DAB1: variants seen among roughly 807,000 people sequenced by gnomAD.
DAB1 encodes the protein DAB adaptor protein 1.
A neutral mutation model predicts 64.6 loss-of-function variants in DAB1; 15 were observed. That is an observed-to-expected ratio of 0.23 (90% CI 0.16 to 0.36). The LOEUF (loss-of-function observed/expected upper bound fraction) is 0.36. DAB1 is among the 10% of genes least tolerant of loss of function. The pLI, the probability that DAB1 is intolerant of heterozygous loss-of-function variation, is 1.00. For missense variants in DAB1, 596 were observed against 706.7 expected (o/e 0.84, Z 1.78); for synonymous variants, 235 against 251.9 (o/e 0.93, Z 0.64).
intron 3 of DAB1, among the ~76,000 whole-genome samples, chr1:58,366,905 A>G (rs1644222949): frequency 6.6e-6 from 1 of 152,238 alleles, no homozygotes; most frequent in Admixed American, 6.5e-5. Flanking sequence ...CATTGTTTTA[A>G]TAGTACACAT....
chr1:58,433,784 G>A (rs1644911803), intron 3 of DAB1, among the ~76,000 whole-genome samples: 2 of 152,074 alleles, frequency 1.3e-5, no homozygotes, highest in South Asian at 4.2e-4. Flanking sequence ...TGAGGGCAGA[G>A]CACTCATGAC....
intron 1 of DAB1, among the ~76,000 whole-genome samples, chr1:57,367,366 C>T (rs1484599294): frequency 2.0e-5 from 3 of 152,068 alleles, no homozygotes; most frequent in Non-Finnish European, 2.9e-5. Context: ...GAGCTAGGTG[C>T]CTTTTTTGTC....
At chr1:58,314,431 T>A (rs183525455) in intron 4 of DAB1, among the ~76,000 whole-genome samples, 123 of 152,258 alleles carry the variant, frequency 8.1e-4, no homozygotes, top group African/African-American at 2.9e-3. Flanking sequence ...CTCTTTTGGA[T>A]TCTCTGGTTT....
chr1:58,072,417 G>A (rs187338693), intron 5 of DAB1, among the ~76,000 whole-genome samples: 3 of 152,152 alleles, frequency 2.0e-5, no homozygotes, highest in Admixed American at 2.0e-4. Flanking sequence ...TTTCATCCTG[G>A]ACTCAAAGTG....
intron 1 of DAB1, chr1:57,875,088 A>C (rs371539526): frequency 6.6e-6 from 1 of 152,304 alleles, no homozygotes; most frequent in East Asian, 1.9e-4. Context: ...TCTCCAAACT[A>C]AGCACTGAAG....
chr1:57,879,844 C>A (rs1644115016), intron 1 of DAB1, among the ~76,000 whole-genome samples: 1 of 152,172 alleles, frequency 6.6e-6, no homozygotes, highest in South Asian at 2.1e-4. Flanking sequence ...TATAAGGCAG[C>A]TGTACACTGC....
chr1:57,590,809 A>G (rs1570654239), intron 7 of DAB1, among the ~76,000 whole-genome samples: 1 of 151,158 alleles, frequency 6.6e-6, no homozygotes, highest in East Asian at 2.0e-4. Context: ...TTACCCTATG[A>G]CCAACAATTT....
intron 14 of DAB1, among the ~76,000 whole-genome samples, chr1:57,003,472 C>T (rs1645947026): frequency 6.6e-6 from 1 of 152,054 alleles, no homozygotes; most frequent in Non-Finnish European, 1.5e-5. Flanking sequence ...AGCCAGCACA[C>T]AGCAGAGCTG....
At chr1:58,189,855 G>C (rs6701275) in intron 4 of DAB1, among the ~76,000 whole-genome samples, 1 of 152,036 alleles carries the variant, frequency 6.6e-6, no homozygotes, top group Non-Finnish European at 1.5e-5. Flanking sequence ...TGAGGCACAG[G>C]GGTCCCATGG....
intron 4 of DAB1, among the ~76,000 whole-genome samples, chr1:58,264,798 G>C (rs1451050026): frequency 1.3e-5 from 2 of 152,132 alleles, no homozygotes; most frequent in Non-Finnish European, 2.9e-5. Context: ...TATTTGGCTT[G>C]GCAGCTATTT....
At chr1:57,421,023 C>T (rs1684845741) in intron 1 of DAB1, among the ~76,000 whole-genome samples, 2 of 152,198 alleles carry the variant, frequency 1.3e-5, no homozygotes, top group African/African-American at 4.8e-5. Flanking sequence ...AAATGAAATG[C>T]TGCCTCCATT....
At chr1:58,134,381 C>G (rs1012922930) in intron 5 of DAB1, among the ~76,000 whole-genome samples, 1 of 152,134 alleles carries the variant, frequency 6.6e-6, no homozygotes, top group Non-Finnish European at 1.5e-5. Flanking sequence ...AGGAAAGAAC[C>G]TTTGTCATCT....
At chr1:57,564,639 C>T (rs1645095195) in intron 7 of DAB1, among the ~76,000 whole-genome samples, 2 of 152,180 alleles carry the variant, frequency 1.3e-5, no homozygotes, top group Admixed American at 1.3e-4. Context: ...GAAGCATGCA[C>T]AAGCTTCAGA....
intron 2 of DAB1, among the ~76,000 whole-genome samples, chr1:57,233,082 G>A (rs1490477387): frequency 2.6e-5 from 4 of 151,878 alleles, no homozygotes; most frequent in African/African-American, 4.8e-5. Flanking sequence ...TAGGAAAACC[G>A]GAAAGACTCT....
chr1:57,767,262 T>C (rs985294080), intron 6 of DAB1, among the ~76,000 whole-genome samples: 6 of 152,130 alleles, frequency 3.9e-5, no homozygotes, highest in Admixed American at 2.6e-4. Flanking sequence ...AAGAGTCAAC[T>C]CATTAGCATA....
At chr1:57,972,160 A>G (rs1423107807) in intron 5 of DAB1, among the ~76,000 whole-genome samples, 3 of 152,350 alleles carry the variant, frequency 2.0e-5, no homozygotes, top group Admixed American at 6.5e-5. Flanking sequence ...GTCATTCTCA[A>G]TCAATAGGCA....
At chr1:57,345,643 T>A (rs1678017455) in intron 1 of DAB1, among the ~76,000 whole-genome samples, 1 of 152,184 alleles carries the variant, frequency 6.6e-6, no homozygotes, top group Non-Finnish European at 1.5e-5. Context: ...AAAAAAGATT[T>A]AATAAAAGCA....
chr1:57,143,767 T>C (rs1658839940), intron 3 of DAB1, among the ~76,000 whole-genome samples: 1 of 152,014 alleles, frequency 6.6e-6, no homozygotes, highest in African/African-American at 2.4e-5. Context: ...GATGCCGATT[T>C]TATCACATTT....
At chr1:57,069,592 C>A (rs1243549026) in intron 7 of DAB1, among the ~76,000 whole-genome samples, 167 bp from the exon 8 acceptor site, 1 of 152,176 alleles carries the variant, frequency 6.6e-6, no homozygotes, top group Non-Finnish European at 1.5e-5. Context: ...GTACCTTGTA[C>A]ATTCCTGCCT....
Sources: gnomAD v4.1 joint callset for allele counts (sites outside exome capture counted in the v4.1 genomes callset) on GRCh38, gnomAD v4.1.1 for gene constraint, MANE v1.5 for transcripts, NCBI Gene and HGNC (gene_info 2026-07-23, HGNC 2026-07-21) for gene names.